RUNDC3B: variants seen among roughly 807,000 people sequenced by gnomAD.
The protein encoded by RUNDC3B is RUN domain containing 3B, also known as RUN domain-containing protein 3B.
In RUNDC3B, 33 loss-of-function variants were observed where a neutral mutation model predicts 58.4. The observed-to-expected ratio is 0.56, with a 90% CI of 0.43 to 0.75. The LOEUF (loss-of-function observed/expected upper bound fraction) is 0.75, where lower values mean the gene tolerates loss of function less well. RUNDC3B is among the 30% of genes least tolerant of loss of function. The probability of loss-of-function intolerance (pLI) is 0.00; values close to 1 mark genes in which losing one functional copy is unlikely to be tolerated. For missense variants in RUNDC3B, 501 were observed against 535.7 expected (o/e 0.94, Z 0.64); for synonymous variants, 193 against 195.2 (o/e 0.99, Z 0.10).
At chr7:87,734,258 G>T (rs897054062) in intron 4 of RUNDC3B, among the ~76,000 whole-genome samples, 2 of 152,084 alleles carry the variant, frequency 1.3e-5, no homozygotes, top group African/African-American at 2.4e-5. Flanking sequence ...TAAACATAGA[G>T]TTACCATATG....
In RUNDC3B at chr7:87,680,731, G is replaced by C. The variant is rs943133179; in HGVS notation, c.239-19690G>C. ...AATCACTTGAACCTGGGAGGCGGAG[G>C]GTGCAGTGAGCCAAGATCGCGCCAT... On this transcript the variant is annotated intron_variant, in intron 2 of 10. Transcript: ENST00000394654. Among the ~76,000 whole-genome samples the C allele has an allele frequency of 2.1e-4, 31 of 149,930 alleles. 1 individual carries two copies. The highest frequency in any genetic ancestry group is 7.7e-4 in the African/African-American group (31 of 40,270).
At chr7:87,634,498 G>GA (rs1166455394) in intron 1 of RUNDC3B, among the ~76,000 whole-genome samples, 1 of 137,072 alleles carries the variant, frequency 7.3e-6, no homozygotes, top group African/African-American at 2.6e-5. Context: ...GGGGGGTGGG[G>GA]GGGGGGGCAC....
At chr7:87,720,021 T>C (rs2130772334) in intron 4 of RUNDC3B, among the ~76,000 whole-genome samples, 1 of 149,796 alleles carries the variant, frequency 6.7e-6, no homozygotes, top group East Asian at 1.9e-4. Flanking sequence ...AAGAAAAACT[T>C]TGCAAAGCAA....
intron 2 of RUNDC3B, among the ~76,000 whole-genome samples, chr7:87,689,342 G>A (rs1004215877): frequency 6.6e-6 from 1 of 152,014 alleles, no homozygotes; most frequent in Non-Finnish European, 1.5e-5. Context: ...AAATTAATGA[G>A]ACATTTCCAG....
chr7:87,652,624 A>ATATATATATATATATATATATATG (rs1823693759), intron 2 of RUNDC3B, among the ~76,000 whole-genome samples: 2 of 142,836 alleles, frequency 1.4e-5, no homozygotes, highest in East Asian at 2.1e-4. Context: ...GGTCACTGAT[A>ATATATATATATATATATATATATG]TATATATATA....
intron 10 of RUNDC3B, among the ~76,000 whole-genome samples, chr7:87,824,453 G>T (rs1235675698): frequency 6.6e-6 from 1 of 152,100 alleles, no homozygotes; most frequent in East Asian, 1.9e-4. Context: ...GGAACTGTGA[G>T]TCCATTAAAC....
At chr7:87,741,195 A>C (rs1832304654) in intron 5 of RUNDC3B, among the ~76,000 whole-genome samples, 1 of 150,084 alleles carries the variant, frequency 6.7e-6, no homozygotes, top group Non-Finnish European at 1.5e-5. Context: ...ACAGAGCAAG[A>C]CTCCCTCTCA....
intron 2 of RUNDC3B, among the ~76,000 whole-genome samples, chr7:87,684,286 A>G (rs1469604377): frequency 1.3e-5 from 2 of 152,174 alleles, no homozygotes; most frequent in Non-Finnish European, 2.9e-5. Flanking sequence ...ATTCAATGCA[A>G]TCTCAAAGTT....
chr7:87,798,937 T>G (rs1223157103), intron 8 of RUNDC3B, among the ~76,000 whole-genome samples: 3 of 152,206 alleles, frequency 2.0e-5, no homozygotes, highest in African/African-American at 7.2e-5. Context: ...TAAAGTTATA[T>G]AAAGTAAATC....
chr7:87,752,582 CT>C (rs1833081648), intron 6 of RUNDC3B, among the ~76,000 whole-genome samples: 1 of 152,170 alleles, frequency 6.6e-6, no homozygotes, highest in South Asian at 2.1e-4. Flanking sequence ...AGAGATTCAA[CT>C]TCTTCCTGGT....
chr7:87,714,192 C>T (rs773543616), intron 4 of RUNDC3B, among the ~76,000 whole-genome samples: 10 of 152,090 alleles, frequency 6.6e-5, no homozygotes, highest in Non-Finnish European at 1.5e-4. Flanking sequence ...TGCAATGCAA[C>T]GGGGCTCTCT....
intron 6 of RUNDC3B, among the ~76,000 whole-genome samples, chr7:87,749,033 A>G (rs1397656247): frequency 6.6e-6 from 1 of 152,208 alleles, no homozygotes; most frequent in Non-Finnish European, 1.5e-5. Flanking sequence ...GAGAGGTTAA[A>G]TAACTTGTCC....
intron 2 of RUNDC3B, among the ~76,000 whole-genome samples, chr7:87,672,535 C>T (rs749740414): frequency 6.6e-6 from 1 of 152,112 alleles, no homozygotes; most frequent in Non-Finnish European, 1.5e-5. Context: ...CAGCCTCTTT[C>T]CAAGGGGTAT....
At chr7:87,675,912 C>T (rs144743013) in intron 2 of RUNDC3B, among the ~76,000 whole-genome samples, 2 of 152,222 alleles carry the variant, frequency 1.3e-5, no homozygotes, top group African/African-American at 4.8e-5. Flanking sequence ...ATAAGTGGAA[C>T]GACATTAAAC....
At chr7:87,693,844 C>A (rs1828234659) in intron 2 of RUNDC3B, 1 of 1,533,062 alleles carries the variant, frequency 6.5e-7, no homozygotes, top group Non-Finnish European at 8.9e-7. Context: ...CAGTTTGGAA[C>A]TGTAAACATG....
At chr7:87,762,657 A>G (rs182878662) in intron 6 of RUNDC3B, among the ~76,000 whole-genome samples, 68 of 151,690 alleles carry the variant, frequency 4.5e-4, no homozygotes, top group Non-Finnish European at 7.5e-4. Context: ...CATCTAATCT[A>G]TCATGCCTTC....
chr7:87,801,376 A>G (rs906336173), intron 8 of RUNDC3B, among the ~76,000 whole-genome samples: 2 of 152,342 alleles, frequency 1.3e-5, no homozygotes, highest in East Asian at 3.9e-4. Flanking sequence ...GTCAAGTACT[A>G]TTTGAAGCAA....
chr7:87,757,945 AT>A (rs1250609155), intron 6 of RUNDC3B, among the ~76,000 whole-genome samples: 1 of 152,194 alleles, frequency 6.6e-6, no homozygotes, highest in Non-Finnish European at 1.5e-5. Flanking sequence ...AAAACTGGAT[AT>A]TCGTATGCAA....
At chr7:87,654,379 C>G (rs1823875698) in intron 2 of RUNDC3B, among the ~76,000 whole-genome samples, 1 of 152,008 alleles carries the variant, frequency 6.6e-6, no homozygotes, top group African/African-American at 2.4e-5. Context: ...AGCATAAAAA[C>G]AGACAAATAA....
Sources: allele counts gnomAD v4.1 joint callset (sites outside exome capture counted in the v4.1 genomes callset), GRCh38; gene constraint gnomAD v4.1.1; transcripts MANE v1.5; gene names NCBI Gene and HGNC (gene_info 2026-07-23, HGNC 2026-07-21).